Variants in ADAM10 observed in about 807,000 individuals in gnomAD.
ADAM10 encodes the protein disintegrin and metalloproteinase domain-containing protein 10.
Under a neutral mutation model 90.1 loss-of-function variants are expected in ADAM10, and 17 were observed. The observed-to-expected ratio is 0.19, with a 90% confidence interval of 0.13 to 0.28. ADAM10 has a LOEUF of 0.28. Ranked by LOEUF, ADAM10 falls within the 10% of genes least tolerant of loss-of-function variation. ADAM10 has a pLI of 1.00. For missense variants in ADAM10, 610 were observed against 914.3 expected, an observed-to-expected ratio of 0.67 and a Z score of 4.29; for synonymous variants, 310 against 298.6, an observed-to-expected ratio of 1.04 and a Z score of -0.40.
At chr15:58,677,688 TAGAA>T (rs1596058301) in intron 4 of ADAM10, among the ~76,000 whole-genome samples, 1 of 152,158 alleles carries the variant, frequency 6.6e-6, no homozygotes, top group African/African-American at 2.4e-5. Context: ...TACAATATGA[TAGAA>T]AGGAAAAAAT....
intron 2 of ADAM10, chr15:58,692,461 T>G (rs776364057): frequency 1.9e-6 from 1 of 529,542 alleles, no homozygotes; most frequent in Non-Finnish European, 3.8e-6. Flanking sequence ...ATCTTCAGTC[T>G]TGGGCTTTTC....
At chr15:58,679,534 T>C (rs1460624413) in intron 3 of ADAM10, among the ~76,000 whole-genome samples, 1 of 152,086 alleles carries the variant, frequency 6.6e-6, no homozygotes, top group Non-Finnish European at 1.5e-5. Context: ...CAATGAAAAA[T>C]AGAGTATCTG....
chr15:58,691,665 CA>C, intron 2 of ADAM10: 1 of 352,160 alleles, frequency 2.8e-6, no homozygotes, highest in Non-Finnish European at 5.4e-6. Flanking sequence ...AAGCTCAAGC[CA>C]CTTCTTCTTC....
In ADAM10 at chr15:58,692,842, G is replaced by A. The variant is rs546119277; in HGVS notation, c.207-10528C>T. 4 of 658,054 alleles carry A rather than the reference G, an allele frequency of 6.1e-6. No individual in the cohort carries two copies. The African/African-American group carries it at 7.2e-5, about 12-fold the overall frequency. The allele number at this position is 658,054 out of a possible 1,614,324, so 40.8% of individuals were successfully genotyped here. A position where few individuals can be genotyped will look rare whatever the true frequency, so the allele number is the denominator to read the frequency against. The stretch of plus-strand genomic sequence containing the variant: ...CCCAATCATGGAGATTTCTGCACAA[G>A]ACTGAAAAGCCTCCATAAATGCTTC... On this transcript the variant is annotated intron_variant, in intron 2 of 15. Transcript: ENST00000260408.
chr15:58,692,183 C>A, intron 2 of ADAM10: 1 of 555,688 alleles, frequency 1.8e-6, no homozygotes, highest in South Asian at 1.4e-5. Context: ...TAAAAAAGGT[C>A]AAAGGGAGCC....
intron 14 of ADAM10, among the ~76,000 whole-genome samples, chr15:58,607,531 G>A (rs80013370): frequency 0.018 from 2,740 of 152,290 alleles, 85 homozygotes; most frequent in African/African-American, 0.063. Flanking sequence ...AATGGAACTA[G>A]TGTTCTGTTA....
intron 11 of ADAM10, among the ~76,000 whole-genome samples, chr15:58,613,339 G>A (rs1308245501): frequency 1.3e-5 from 2 of 152,110 alleles, no homozygotes; most frequent in African/African-American, 4.8e-5. Context: ...AAATTTAGAT[G>A]AGACGACTGT....
At chr15:58,734,088 A>G (rs887276823) in intron 1 of ADAM10, among the ~76,000 whole-genome samples, 15 of 152,086 alleles carry the variant, frequency 9.9e-5, no homozygotes, top group African/African-American at 3.1e-4. Flanking sequence ...TATATATCCT[A>G]TTTTATTTTT....
intron 5 of ADAM10, among the ~76,000 whole-genome samples, chr15:58,659,134 G>T (rs527776980): frequency 1.1e-3 from 166 of 152,110 alleles, no homozygotes; most frequent in Admixed American, 7.6e-3. Flanking sequence ...TTAGGTGGGC[G>T]TGGTGGTGCG....
At chr15:58,740,687 G>C (rs188170733) in intron 1 of ADAM10, among the ~76,000 whole-genome samples, 5 of 152,192 alleles carry the variant, frequency 3.3e-5, no homozygotes, top group Admixed American at 3.3e-4. Flanking sequence ...TCACAGACAT[G>C]AGCCACCACA....
At chr15:58,615,036 A>T (rs1895564109) in intron 11 of ADAM10, among the ~76,000 whole-genome samples, 1 of 152,238 alleles carries the variant, frequency 6.6e-6, no homozygotes, top group Admixed American at 6.5e-5. Context: ...GCACTTTGGG[A>T]GGCCGAGGCA....
At chr15:58,717,327 T>G (rs181380887) in intron 2 of ADAM10, among the ~76,000 whole-genome samples, 2 of 152,212 alleles carry the variant, frequency 1.3e-5, no homozygotes, top group African/African-American at 4.8e-5. Context: ...TAAAGACATA[T>G]CTTTTACTAA....
intron 2 of ADAM10, among the ~76,000 whole-genome samples, chr15:58,707,788 C>T (rs1416251335): frequency 6.6e-6 from 1 of 152,138 alleles, no homozygotes; most frequent in Non-Finnish European, 1.5e-5. Context: ...ATGTATAAAA[C>T]ATTAAGGGCC....
intron 5 of ADAM10, chr15:58,655,191 T>C (rs1478157078): frequency 6.6e-6 from 1 of 152,202 alleles, no homozygotes; most frequent in Non-Finnish European, 1.5e-5. Context: ...GTTGGGTGCA[T>C]ATACGTATTA....
rs2140977848 is a variant in ADAM10, at chr15:58,589,548, G to GACCCTCAGCTCCCTGAAGGCAC, written c.*7977_*7998dup. The GACCCTCAGCTCCCTGAAGGCAC allele has an allele frequency of 6.6e-6, 1 of 152,364 alleles. No homozygotes were observed. The highest frequency in any genetic ancestry group is 2.4e-5 in the African/African-American group (1 of 41,570). The allele number at this position is 152,364 out of a possible 1,614,324, so 9.4% of individuals were successfully genotyped here. A position where few individuals can be genotyped will look rare whatever the true frequency, so the allele number is the denominator to read the frequency against. On this transcript the variant is annotated 3_prime_UTR_variant, in exon 16 of 16. Coordinates refer to ENST00000260408, the MANE Select transcript of ADAM10 (RefSeq NM_001110.4). The stretch of plus-strand genomic sequence containing the variant: ...ACTGCTGGTTTCTTTCCTTCCGCTA[G>GACCCTCAGCTCCCTGAAGGCAC]ACCCTCAGCTCCCTGAAGGCACAGA...
At chr15:58,678,561 G>A (rs1390136276) in intron 4 of ADAM10, among the ~76,000 whole-genome samples, 1 of 152,056 alleles carries the variant, frequency 6.6e-6, no homozygotes, top group Non-Finnish European at 1.5e-5. Flanking sequence ...GAATTAAAAG[G>A]TAAAGTCTAA....
chr15:58,695,123 G>A (rs1162629835), intron 2 of ADAM10, among the ~76,000 whole-genome samples: 1 of 151,976 alleles, frequency 6.6e-6, no homozygotes, highest in African/African-American at 2.4e-5. Context: ...TTCATTTCAC[G>A]TCAGTCTTGG....
chr15:58,691,311 T>C (rs1424256647), intron 2 of ADAM10: 1 of 1,234,032 alleles, frequency 8.1e-7, no homozygotes, highest in Non-Finnish European at 1.2e-6. Flanking sequence ...GCTCTTCCCA[T>C]CAAATTCCTT....
intron 14 of ADAM10, among the ~76,000 whole-genome samples, chr15:58,606,582 T>C (rs1895280618): frequency 6.6e-6 from 1 of 152,254 alleles, no homozygotes; most frequent in Middle Eastern, 3.2e-3. Flanking sequence ...CTATGCTATG[T>C]GGTCTGTTCC....
Sources: allele counts gnomAD v4.1 joint callset (sites outside exome capture counted in the v4.1 genomes callset), GRCh38; gene constraint gnomAD v4.1.1; transcripts MANE v1.5; gene names NCBI Gene and HGNC (gene_info 2026-07-23, HGNC 2026-07-21).